Variants in NAV3 observed in about 807,000 individuals in gnomAD.
NAV3 encodes neuron navigator 3.
In NAV3, 87 loss-of-function variants were observed where a neutral mutation model predicts 244.7. That is an observed-to-expected ratio of 0.36 (90% confidence interval 0.30 to 0.42). The LOEUF is 0.42. Ranked by LOEUF, NAV3 falls within the 20% of genes least tolerant of loss-of-function variation. The pLI is 1.00. For missense variants in NAV3, 2,663 were observed against 2,893.3 expected (o/e 0.92, Z 1.83); for synonymous variants, 1,126 against 1,042.2 (o/e 1.08, Z -1.55).
At chr12:77,984,421 A>G (rs1433382550) in intron 5 of NAV3, among the ~76,000 whole-genome samples, 1 of 152,174 alleles carries the variant, frequency 6.6e-6, no homozygotes, top group Non-Finnish European at 1.5e-5. Flanking sequence ...ATAGCGGCTA[A>G]AATTCACACA....
intron 2 of NAV3, among the ~76,000 whole-genome samples, chr12:77,671,733 A>G (rs144504740): frequency 2.0e-5 from 3 of 152,234 alleles, no homozygotes; most frequent in Admixed American, 2.0e-4. Context: ...CTGGATTTTC[A>G]TCTCTCAGCT....
intron 1 of NAV3, among the ~76,000 whole-genome samples, chr12:77,849,585 G>T (rs996097535): frequency 6.6e-6 from 1 of 152,086 alleles, no homozygotes; most frequent in African/African-American, 2.4e-5. Flanking sequence ...TAGGCTAAAC[G>T]TAGAGTGTAT....
At chr12:77,801,428 C>T (rs1285052618) in intron 2 of NAV3, among the ~76,000 whole-genome samples, 1 of 152,094 alleles carries the variant, frequency 6.6e-6, no homozygotes, top group Non-Finnish European at 1.5e-5. Flanking sequence ...GCATCTCTCT[C>T]ACACTATACA....
intron 2 of NAV3, among the ~76,000 whole-genome samples, chr12:77,760,150 G>A (rs1869391364): frequency 1.3e-5 from 2 of 152,208 alleles, no homozygotes; most frequent in Admixed American, 6.5e-5. Context: ...ATCCAGATAT[G>A]GCAGGAAATA....
At chr12:77,870,028 A>T (rs1379815758) in intron 1 of NAV3, among the ~76,000 whole-genome samples, 2 of 152,214 alleles carry the variant, frequency 1.3e-5, no homozygotes, top group African/African-American at 2.4e-5. Context: ...CCAAGGAATT[A>T]TCTAAATGTT....
intron 1 of NAV3, among the ~76,000 whole-genome samples, chr12:77,873,224 C>G (rs1380402875): frequency 1.3e-5 from 2 of 152,138 alleles, no homozygotes; most frequent in Non-Finnish European, 2.9e-5. Flanking sequence ...ATAAATTACC[C>G]CATCTTGGGT....
intron 9 of NAV3, among the ~76,000 whole-genome samples, chr12:78,022,241 A>G (rs1877277151): frequency 6.6e-6 from 1 of 152,174 alleles, no homozygotes; most frequent in South Asian, 2.1e-4. Context: ...ACATCTCTAC[A>G]GGGTGGCTTC....
intron 2 of NAV3, among the ~76,000 whole-genome samples, chr12:77,589,429 A>G (rs1869799165): frequency 1.3e-5 from 2 of 152,052 alleles, no homozygotes; most frequent in African/African-American, 4.8e-5. Context: ...ATAAGGACAT[A>G]CCTAAAACTG....
At chr12:78,117,196 T>TATGA in intron 13 of NAV3, among the ~76,000 whole-genome samples, 1 of 67,514 alleles carries the variant, frequency 1.5e-5, no homozygotes, top group African/African-American at 5.3e-5. Flanking sequence ...TATATATATA[T>TATGA]GATATACATT....
chr12:77,695,844 CAAAT>C (rs1200200968), intron 2 of NAV3, among the ~76,000 whole-genome samples: 1 of 151,986 alleles, frequency 6.6e-6, no homozygotes, highest in Non-Finnish European at 1.5e-5. Flanking sequence ...CTCAGTGCCT[CAAAT>C]AAAGAAAGGT....
At chr12:77,623,091 A>G (rs1269855317) in intron 2 of NAV3, among the ~76,000 whole-genome samples, 1 of 152,230 alleles carries the variant, frequency 6.6e-6, no homozygotes, top group East Asian at 1.9e-4. Flanking sequence ...GAAGTGAATC[A>G]TCAGTGTCTG....
At chr12:77,649,433 A>G (rs1872731815) in intron 2 of NAV3, among the ~76,000 whole-genome samples, 1 of 152,116 alleles carries the variant, frequency 6.6e-6, no homozygotes, top group African/African-American at 2.4e-5. Flanking sequence ...TTGGTATTTC[A>G]AGTCTTAATT....
At chr12:77,717,213 C>T (rs1876401226) in intron 2 of NAV3, among the ~76,000 whole-genome samples, 1 of 152,022 alleles carries the variant, frequency 6.6e-6, no homozygotes, top group African/African-American at 2.4e-5. Flanking sequence ...TATTGTACCG[C>T]AGAAATCTAG....
chr12:77,825,807 G>A (rs907483899), intron 2 of NAV3, among the ~76,000 whole-genome samples: 5 of 151,990 alleles, frequency 3.3e-5, no homozygotes, highest in Admixed American at 6.5e-5. Context: ...GACCTATACC[G>A]AAATATATAA....
chr12:78,003,275 G>A lies in NAV3; in HGVS notation c.881-3144G>A, dbSNP rs545736125. Among the ~76,000 whole-genome samples, 13 of 152,130 alleles carry A rather than the reference G, an allele frequency of 8.5e-5. No individual in the cohort carries two copies. In the East Asian group the frequency reaches 2.5e-3, roughly 30 times the overall value. On this transcript the variant is annotated intron_variant, in intron 7 of 39. Transcript: ENST00000397909. Reference sequence around the variant, plus strand: ...TTAATTTTTTTAAAGCATTTGGTATGTTGTTGTGGAATTAAAGTCCTAATT... The same window carrying A: ...TTAATTTTTTTAAAGCATTTGGTATATTGTTGTGGAATTAAAGTCCTAATT...
chr12:77,624,969 C>T (rs1871550270), intron 2 of NAV3, among the ~76,000 whole-genome samples: 1 of 152,074 alleles, frequency 6.6e-6, no homozygotes, highest in Non-Finnish European at 1.5e-5. Context: ...GGGCTTAATG[C>T]CTGGGTGATA....
At chr12:77,828,296 C>T (rs1218041819), upstream of NAV3, among the ~76,000 whole-genome samples, 1 of 152,146 alleles carries the variant, frequency 6.6e-6, no homozygotes, top group East Asian at 1.9e-4. Flanking sequence ...AGAAGACCCT[C>T]ACCACATATG....
chr12:78,162,103 G>T (rs1444665128), intron 23 of NAV3, among the ~76,000 whole-genome samples: 3 of 152,092 alleles, frequency 2.0e-5, no homozygotes, highest in Admixed American at 2.0e-4. Flanking sequence ...TTGGGGTCAT[G>T]GAATAACAAA....
At chr12:78,140,244 T>G (rs1266745632) in intron 19 of NAV3, 38 bp from the exon 20 acceptor site, 2 of 1,586,096 alleles carry the variant, frequency 1.3e-6, no homozygotes, top group Admixed American at 1.7e-5. Context: ...GAGTAGACCT[T>G]ATTGTTTTAA....
Sources: gnomAD v4.1 joint callset for allele counts (sites outside exome capture counted in the v4.1 genomes callset) on GRCh38, gnomAD v4.1.1 for gene constraint, MANE v1.5 for transcripts, NCBI Gene and HGNC (gene_info 2026-07-23, HGNC 2026-07-21) for gene names.